HMGCLL1: variants seen among roughly 807,000 people sequenced by gnomAD.
The protein encoded by HMGCLL1 is 3-hydroxy-3-methylglutaryl-CoA lyase like 1.
A neutral mutation model predicts 39.1 loss-of-function variants in HMGCLL1; 36 were observed. The ratio of observed to expected loss-of-function variants is 0.92; its 90% CI spans 0.71 to 1.22. The LOEUF (loss-of-function observed/expected upper bound fraction) is 1.22, where lower values mean the gene tolerates loss of function less well. HMGCLL1 is among the 50% of genes most tolerant of loss of function. The pLI, the probability that HMGCLL1 is intolerant of heterozygous loss-of-function variation, is 0.00. For missense variants in HMGCLL1, 451 were observed against 416.5 expected (o/e 1.08, Z -0.72); for synonymous variants, 149 against 144.0 (o/e 1.03, Z -0.25).
intron 3 of HMGCLL1, among the ~76,000 whole-genome samples, chr6:55,529,252 G>C (rs895714813): frequency 4.6e-5 from 7 of 152,030 alleles, no homozygotes; most frequent in African/African-American, 1.7e-4. Context: ...CATATATCAT[G>C]TCTTTATGTT....
the HMGCLL1 span, among the ~76,000 whole-genome samples, chr6:55,650,106 T>TATATATATATACACACACATATAC: frequency 1.4e-5 from 1 of 71,170 alleles, no homozygotes; most frequent in East Asian, 9.2e-4. Context: ...TATATATATA[T>TATATATATATACACACACATATAC]ATATATATAT....
At chr6:55,549,647 G>A (rs1357436169) in intron 1 of HMGCLL1, among the ~76,000 whole-genome samples, 1 of 151,902 alleles carries the variant, frequency 6.6e-6, no homozygotes, top group Non-Finnish European at 1.5e-5. Context: ...AGATGGCATA[G>A]CAGTGTGTTA....
At chr6:55,533,967 T>C (rs181664636) in intron 3 of HMGCLL1, among the ~76,000 whole-genome samples, 4 of 149,002 alleles carry the variant, frequency 2.7e-5, no homozygotes, top group Admixed American at 2.7e-4. Context: ...GGTCTGGACA[T>C]AAAAAACAGC....
chr6:55,542,023 T>G lies in HMGCLL1; in HGVS notation c.189+37A>C, dbSNP rs377493761. 3.2e-5 allele frequency: 41 copies of G among 1,285,736 alleles called. No homozygotes were observed. In the African/African-American group the frequency reaches 5.6e-4, roughly 18 times the overall value. 79.6% of individuals were successfully genotyped at this position (1,285,736 alleles called of 1,614,324 possible). ...TCTTTACAATCTTAAATTTATTAAT[T>G]TGTAGACAGCATTTGAAGTAAATGA... is the stretch of plus-strand genomic sequence containing the variant. On this transcript the variant is annotated intron_variant, in intron 2 of 8. Coordinates refer to ENST00000274901, the MANE Select transcript of HMGCLL1 (RefSeq NM_001042406.2).
intron 3 of HMGCLL1, among the ~76,000 whole-genome samples, chr6:55,528,585 T>C (rs1768456561): frequency 6.6e-6 from 1 of 151,442 alleles, no homozygotes. Flanking sequence ...ACAGTTTTAA[T>C]AAATCACAGT....
At chr6:55,530,082 G>A (rs888667579) in intron 3 of HMGCLL1, among the ~76,000 whole-genome samples, 9 of 19,994 alleles carry the variant, frequency 4.5e-4, no homozygotes, top group Admixed American at 2.1e-3. Context: ...GTTGGGGGGC[G>A]GGGTGTGGAT....
intron 1 of HMGCLL1, among the ~76,000 whole-genome samples, chr6:55,575,082 C>T (rs1364727153): frequency 6.6e-6 from 1 of 151,984 alleles, no homozygotes. Context: ...GGGATCGCTT[C>T]ACTAGGAAAC....
rs115491167 is a variant in HMGCLL1, at chr6:55,469,291, T to C, written c.795+26128A>G. ...ACATGGAAGTACAATTTTTTTTGCTTCCCATCTACATATTCACACATCCTA... is the reference window on the plus strand; with the variant it reads ...ACATGGAAGTACAATTTTTTTTGCTCCCCATCTACATATTCACACATCCTA... On this transcript the variant is annotated intron_variant, in intron 7 of 8. Transcript: ENST00000274901. Among the ~76,000 whole-genome samples the C allele has an allele frequency of 6.0e-3, 907 of 150,680 alleles. 7 individuals carry two copies. The highest frequency in any genetic ancestry group is 0.021 in the African/African-American group (858 of 41,264).
At chr6:55,540,567 T>C (rs765520047) in intron 3 of HMGCLL1, among the ~76,000 whole-genome samples, 17 of 152,130 alleles carry the variant, frequency 1.1e-4, no homozygotes, top group Non-Finnish European at 1.6e-4. Flanking sequence ...AATGTTGGAC[T>C]TCCCAGCCTC....
At chr6:55,656,076 T>C in the HMGCLL1 span, among the ~76,000 whole-genome samples, 69 of 152,166 alleles carry the variant, frequency 4.5e-4, no homozygotes, top group Non-Finnish European at 8.1e-4. Flanking sequence ...ACTGAACTCA[T>C]GATTTAGAAA....
At chr6:55,462,429 C>A (rs1764614368) in intron 7 of HMGCLL1, among the ~76,000 whole-genome samples, 1 of 152,264 alleles carries the variant, frequency 6.6e-6, no homozygotes, top group East Asian at 1.9e-4. Context: ...CCCATGACCT[C>A]TCTCCCTCAC....
chr6:55,516,323 A>G (rs1767732958), intron 4 of HMGCLL1, among the ~76,000 whole-genome samples, 185 bp downstream of exon 4: 1 of 152,194 alleles, frequency 6.6e-6, no homozygotes, highest in Non-Finnish European at 1.5e-5. Flanking sequence ...TGGAAGAGCC[A>G]GGTATATAGA....
At chr6:55,539,865 A>T (rs1272435465) in intron 3 of HMGCLL1, among the ~76,000 whole-genome samples, 1 of 61,990 alleles carries the variant, frequency 1.6e-5, no homozygotes, top group African/African-American at 1.0e-4. Flanking sequence ...AGAGGAAGAA[A>T]GAAAGAAAGA....
chr6:55,594,842 A>C, the HMGCLL1 span, among the ~76,000 whole-genome samples: 3 of 152,102 alleles, frequency 2.0e-5, no homozygotes, highest in Non-Finnish European at 4.4e-5. Context: ...GAAATACTTA[A>C]AATTATAGCT....
intron 1 of HMGCLL1, among the ~76,000 whole-genome samples, chr6:55,555,359 G>C (rs138665745): frequency 3.0e-3 from 442 of 146,620 alleles, no homozygotes; most frequent in Admixed American, 9.2e-3. Flanking sequence ...CAACAACAAC[G>C]ATCCCACAAC....
the HMGCLL1 span, among the ~76,000 whole-genome samples, chr6:55,613,846 T>C: frequency 1.3e-5 from 2 of 152,106 alleles, no homozygotes; most frequent in African/African-American, 4.8e-5. Flanking sequence ...CAAGGTGATG[T>C]GTTGATAGAT....
chr6:55,572,520 C>A (rs894529683), intron 1 of HMGCLL1, among the ~76,000 whole-genome samples: 3 of 151,962 alleles, frequency 2.0e-5, no homozygotes, highest in Non-Finnish European at 4.4e-5. Flanking sequence ...ACCTTTATAA[C>A]TTGTTCTTCA....
At chr6:55,461,994 T>C (rs72970056) in intron 7 of HMGCLL1, among the ~76,000 whole-genome samples, 2,816 of 152,250 alleles carry the variant, frequency 0.018, 38 homozygotes, top group Middle Eastern at 0.044. Context: ...TTGTGGTCCA[T>C]ATAAATGACA....
chr6:55,614,527 C>T, the HMGCLL1 span, among the ~76,000 whole-genome samples: 8 of 152,060 alleles, frequency 5.3e-5, no homozygotes, highest in East Asian at 5.8e-4. Flanking sequence ...CTAAGAACAC[C>T]GAAATTATAT....
Sources: gnomAD v4.1 joint callset for allele counts (sites outside exome capture counted in the v4.1 genomes callset) on GRCh38, gnomAD v4.1.1 for gene constraint, MANE v1.5 for transcripts, NCBI Gene and HGNC (gene_info 2026-07-23, HGNC 2026-07-21) for gene names.